Variants in DPYSL2 observed in about 807,000 individuals in gnomAD.
The protein encoded by DPYSL2 is dihydropyrimidinase like 2.
DPYSL2 carries 13 observed loss-of-function variants against 69.9 expected under a neutral mutation model. That is an observed-to-expected ratio of 0.19 (90% CI 0.12 to 0.30). The LOEUF is 0.30. Ranked by LOEUF, DPYSL2 falls within the 10% of genes least tolerant of loss-of-function variation. The pLI, the probability that DPYSL2 is intolerant of heterozygous loss-of-function variation, is 1.00. For synonymous variants in DPYSL2, 326 were observed against 359.1 expected (o/e 0.91, Z 1.04); for missense variants, 587 against 918.9 (o/e 0.64, Z 4.67).
intron 1 of DPYSL2, among the ~76,000 whole-genome samples, chr8:26,540,904 CAAA>C (rs56376341): frequency 2.9e-5 from 3 of 102,708 alleles, no homozygotes; most frequent in Admixed American, 9.8e-5. Context: ...GACTCTGTCT[CAAA>C]AAAAAAAAAA....
chr8:26,650,183 G>A lies in DPYSL2; in HGVS notation c.1597-2074G>A, dbSNP rs987069555. On this transcript the variant is annotated intron_variant, in intron 11 of 13. Coordinates refer to ENST00000521913, the MANE Select transcript of DPYSL2 (RefSeq NM_001197293.3). The surrounding 1 kb of genome is among the most constrained non-coding windows in gnomAD (Gnocchi z 5.3). The stretch of plus-strand genomic sequence containing the variant: ...TTCTCACATGAGTCCTGCAAAGGGG[G>A]ACCTACTTACCCCTCACAGATGAGG... Among the ~76,000 whole-genome samples, 2 of 152,218 alleles carry A rather than the reference G, an allele frequency of 1.3e-5. No individual in the cohort carries two copies. The highest frequency in any genetic ancestry group is 2.9e-5 in the Non-Finnish European group (2 of 68,040).
intron 1 of DPYSL2, among the ~76,000 whole-genome samples, chr8:26,536,105 C>CTT (rs111964513): frequency 9.3e-5 from 13 of 139,732 alleles, no homozygotes; most frequent in Admixed American, 1.4e-4. Context: ...TATCTTTTTC[C>CTT]TTTTTTTTTT....
At position 26,514,928 on chromosome 8, in the gene DPYSL2, T is replaced by A. The variant is rs1037047385; in HGVS notation, c.354+249T>A. Reference sequence around the variant, plus strand: ...GAGCTTGAGAGGTGGGGCGTGGGCATAGGGAATGGGCTGATCCCCTGCTGG... The same window carrying A: ...GAGCTTGAGAGGTGGGGCGTGGGCAAAGGGAATGGGCTGATCCCCTGCTGG... On this transcript the variant is annotated intron_variant, in intron 1 of 13. Coordinates refer to ENST00000521913, the MANE Select transcript of DPYSL2 (RefSeq NM_001197293.3). The surrounding 1 kb of genome is among the most constrained non-coding windows in gnomAD (Gnocchi z 8.4). Among the ~76,000 whole-genome samples, 1 of 152,148 alleles carries A rather than the reference T, an allele frequency of 6.6e-6. No individual in the cohort carries two copies. The highest frequency in any genetic ancestry group is 2.4e-5 in the African/African-American group (1 of 41,446).
intron 1 of DPYSL2, chr8:26,578,012 T>G (rs1801398670): frequency 2.2e-6 from 3 of 1,385,960 alleles, no homozygotes; most frequent in South Asian, 1.6e-5. Flanking sequence ...TCTCTCTCTC[T>G]CTCTCTTTTT....
intron 1 of DPYSL2, among the ~76,000 whole-genome samples, chr8:26,570,950 T>C (rs536497539): frequency 2.0e-5 from 3 of 152,288 alleles, no homozygotes; most frequent in South Asian, 4.1e-4. Context: ...TAGAGCATGG[T>C]AGGTGCTCAA....
intron 1 of DPYSL2, among the ~76,000 whole-genome samples, chr8:26,567,952 G>C (rs1269756556): frequency 1.3e-5 from 2 of 152,126 alleles, no homozygotes; most frequent in African/African-American, 4.8e-5. Context: ...AAGAAACAGA[G>C]AGAACTCCTG....
rs1585569161 is a variant in DPYSL2, at chr8:26,643,363, G to T, written c.1127-76G>T. On this transcript the variant is annotated intron_variant, in intron 8 of 13. Transcript: ENST00000521913. This position sits in a 1 kb window ranked among gnomAD's most constrained non-coding sequence, Gnocchi z 6.5. ...GAGTGCACTGGGTGCTGCTGGGCAGGCAGTGGCTCCTCATAGGGGTGGTTC... is the reference window on the plus strand; with the variant it reads ...GAGTGCACTGGGTGCTGCTGGGCAGTCAGTGGCTCCTCATAGGGGTGGTTC... 1.4e-6 allele frequency: 2 copies of T among 1,478,314 alleles called. No homozygotes were observed. Among genetic ancestry groups the T allele is most frequent in the East Asian group, 2.3e-5 (1 of 42,762 alleles). The allele number at this position is 1,478,314 out of a possible 1,614,324, so 91.6% of individuals were successfully genotyped here. A position where few individuals can be genotyped will look rare whatever the true frequency, so the allele number is the denominator to read the frequency against.
At position 26,514,388 on chromosome 8, in the gene DPYSL2, A is replaced by G. The variant is rs1374481475; in HGVS notation, c.63A>G (p.Lys21=). The change falls in exon 1 of 14, where the codon AAA becomes AAG. Residue 21 remains lysine, a synonymous_variant. Coordinates refer to ENST00000521913, the MANE Select transcript of DPYSL2 (RefSeq NM_001197293.3). The surrounding 1 kb of genome is among the most constrained non-coding windows in gnomAD (Gnocchi z 8.4). ...AEDEEVPAFF[K]NLGSGSPKPR... is the part of the protein sequence containing the mutation. Reference sequence around the variant, plus strand: ...ACGAAGAGGTCCCTGCTTTTTTTAAAAACCTGGGCTCCGGCAGCCCCAAGC... The same window carrying G: ...ACGAAGAGGTCCCTGCTTTTTTTAAGAACCTGGGCTCCGGCAGCCCCAAGC... 5 of 1,513,478 alleles carry G rather than the reference A, an allele frequency of 3.3e-6. No individual in the cohort carries two copies. The highest frequency in any genetic ancestry group is 3.5e-6 in the Non-Finnish European group (4 of 1,138,022). The allele number at this position is 1,513,478 out of a possible 1,614,324, so 93.8% of individuals were successfully genotyped here.
At chr8:26,546,579 T>C (rs1423412478) in intron 1 of DPYSL2, among the ~76,000 whole-genome samples, 1 of 152,024 alleles carries the variant, frequency 6.6e-6, no homozygotes, top group Non-Finnish European at 1.5e-5. Flanking sequence ...TGAGAAAGCT[T>C]CTAGTTTCTT....
At chr8:26,541,182 AT>A (rs1360713950) in intron 1 of DPYSL2, among the ~76,000 whole-genome samples, 1 of 152,224 alleles carries the variant, frequency 6.6e-6, no homozygotes, top group East Asian at 1.9e-4. Flanking sequence ...TTTTAAGAGA[AT>A]TTCTGTAAGA....
At chr8:26,574,508 G>A (rs1801294974) in intron 1 of DPYSL2, among the ~76,000 whole-genome samples, 1 of 152,202 alleles carries the variant, frequency 6.6e-6, no homozygotes, top group Admixed American at 6.5e-5. Context: ...TTTAGTTACT[G>A]CATCTGGCTC....
intron 1 of DPYSL2, among the ~76,000 whole-genome samples, chr8:26,556,922 C>G (rs911330049): frequency 6.6e-6 from 1 of 152,114 alleles, no homozygotes; most frequent in Non-Finnish European, 1.5e-5. Flanking sequence ...GGGACCCACA[C>G]AGATATAGTT....
At position 26,626,521 on chromosome 8, in the gene DPYSL2, A is replaced by G. The variant is rs1199897669; in HGVS notation, c.794-96A>G. Reference sequence around the variant, plus strand: ...CACACACACACACACACACACACACACGTACACACACAGACAGTATTATCA... The same window carrying G: ...CACACACACACACACACACACACACGCGTACACACACAGACAGTATTATCA... On this transcript the variant is annotated intron_variant, in intron 4 of 13. Coordinates refer to ENST00000521913, the MANE Select transcript of DPYSL2 (RefSeq NM_001197293.3). The surrounding 1 kb of genome is among the most constrained non-coding windows in gnomAD (Gnocchi z 4.3). 7.0e-6 allele frequency: 7 copies of G among 998,596 alleles called. No individual in the cohort carries two copies. In the Admixed American group the frequency reaches 7.4e-5, roughly 11 times the overall value. 61.9% of individuals were successfully genotyped at this position (998,596 alleles called of 1,614,324 possible). A position where few individuals can be genotyped will look rare whatever the true frequency, so the allele number is the denominator to read the frequency against.
chr8:26,632,185 A>T (rs535291281), intron 7 of DPYSL2, among the ~76,000 whole-genome samples: 1 of 152,324 alleles, frequency 6.6e-6, no homozygotes, highest in African/African-American at 2.4e-5. Flanking sequence ...TAGGGAGTGC[A>T]GACATCTGGA....
chr8:26,568,436 G>A (rs1461557272), intron 1 of DPYSL2, among the ~76,000 whole-genome samples: 1 of 152,192 alleles, frequency 6.6e-6, no homozygotes, highest in South Asian at 2.1e-4. Context: ...CACAAGGTCA[G>A]TAATAAATTC....
At chr8:26,636,722 C>T (rs756053227) in intron 8 of DPYSL2, among the ~76,000 whole-genome samples, 13 of 151,878 alleles carry the variant, frequency 8.6e-5, no homozygotes, top group Admixed American at 3.9e-4. Flanking sequence ...TGGTAGCCCC[C>T]GTTGTTGTTT....
intron 1 of DPYSL2, chr8:26,577,968 C>T (rs967842089): frequency 7.7e-7 from 1 of 1,295,164 alleles, no homozygotes; most frequent in Non-Finnish European, 9.8e-7. Flanking sequence ...ATTTCCACCC[C>T]CTTCCCTCCT....
chr8:26,600,160 C>T (rs377170217), intron 3 of DPYSL2, among the ~76,000 whole-genome samples: 18 of 152,256 alleles, frequency 1.2e-4, no homozygotes, highest in African/African-American at 3.1e-4. Context: ...GCCCATTCAT[C>T]GATGGATGGC....
rs2289592 is a variant in DPYSL2 at position 26,626,858 on chromosome 8, C to A, written c.855+180C>A. 8.6e-5 allele frequency among the ~76,000 whole-genome samples: 13 copies of A among 151,898 alleles called. No individual in the cohort carries two copies. Among genetic ancestry groups the A allele is most frequent in the Non-Finnish European group, 1.9e-4 (13 of 67,976 alleles). ...GAGTATGAACGCAGTGCCCTGGCCC[C>A]CAGCACTGCCACTCCGCCGCCCTGG... is the stretch of plus-strand genomic sequence containing the variant. On this transcript the variant is annotated intron_variant, in intron 5 of 13. Coordinates refer to ENST00000521913, the MANE Select transcript of DPYSL2 (RefSeq NM_001197293.3). This position sits in a 1 kb window ranked among gnomAD's most constrained non-coding sequence, Gnocchi z 4.3.
Sources: gnomAD v4.1 joint callset for allele counts (sites outside exome capture counted in the v4.1 genomes callset) on GRCh38, gnomAD v4.1.1 for gene constraint, Gnocchi (gnomAD v3.1) non-coding constraint, MANE v1.5 for transcripts, NCBI Gene and HGNC (gene_info 2026-07-23, HGNC 2026-07-21) for gene names.